Variants in JPH4 observed in about 807,000 individuals in gnomAD.
The protein encoded by JPH4 is junctophilin-4.
JPH4 carries 18 observed loss-of-function variants against 57.6 expected under a neutral mutation model. That is an observed-to-expected ratio of 0.31 (90% CI 0.22 to 0.46). The LOEUF (loss-of-function observed/expected upper bound fraction) is 0.46, where lower values mean the gene tolerates loss of function less well. JPH4 is among the 20% of genes least tolerant of loss of function. JPH4 has a pLI of 1.00. For missense variants in JPH4, 727 were observed against 911.1 expected, an observed-to-expected ratio of 0.80 and a Z score of 2.60; for synonymous variants, 425 against 406.6, an observed-to-expected ratio of 1.05 and a Z score of -0.54.
At position 23,576,558 on chromosome 14, in the gene JPH4, G is replaced by A; in HGVS notation, c.380-102C>T. Reference sequence around the variant, plus strand: ...CTGGAAGCCCAAGCGTCAGGCGGGAGAGATGGAGGCAGTTAGTGTGGAGGT... The same window carrying A: ...CTGGAAGCCCAAGCGTCAGGCGGGAAAGATGGAGGCAGTTAGTGTGGAGGT... On this transcript the variant is annotated intron_variant, in intron 2 of 5. Transcript: ENST00000356300. This position sits in a 1 kb window ranked among gnomAD's most constrained non-coding sequence, Gnocchi z 8.0. 1 of 1,011,378 alleles carries A rather than the reference G, an allele frequency of 9.9e-7. No individual in the cohort carries two copies. Among genetic ancestry groups the A allele is most frequent in the Non-Finnish European group, 1.3e-6 (1 of 769,250 alleles). 62.7% of individuals were successfully genotyped at this position (1,011,378 alleles called of 1,614,324 possible).
chr14:23,568,468 CA>C lies in JPH4; in HGVS notation c.*1165del. 1.0e-6 allele frequency: 1 copy of C among 985,798 alleles called. No individual in the cohort carries two copies. The highest frequency in any genetic ancestry group is 1.2e-6 in the Non-Finnish European group (1 of 829,978). The allele number at this position is 985,798 out of a possible 1,614,324, so 61.1% of individuals were successfully genotyped here. A position where few individuals can be genotyped will look rare whatever the true frequency, so the allele number is the denominator to read the frequency against. Reference sequence around the variant, plus strand: ...CCACCTGTCACCCGGGTTTGACTCCCACCTCTGCCCTGCCTGGGAAGCATGT... The same window carrying C: ...CCACCTGTCACCCGGGTTTGACTCCCCCTCTGCCCTGCCTGGGAAGCATGT... On this transcript the variant is annotated 3_prime_UTR_variant, in exon 6 of 6. Transcript: ENST00000356300.
rs1411766930 is a variant in JPH4 at position 23,575,579 on chromosome 14, G to A, written c.1151+106C>T. On this transcript the variant is annotated intron_variant, in intron 3 of 5. Coordinates refer to ENST00000356300, the MANE Select transcript of JPH4 (RefSeq NM_001146028.2). The surrounding 1 kb of genome is among the most constrained non-coding windows in gnomAD (Gnocchi z 6.9). ...CCTGGCCTTAGGCTTGCAATAGCAG[G>A]CCCTAGGCCTTGGGCCTTGGGCCTC... 3 of 1,432,652 alleles carry A rather than the reference G, an allele frequency of 2.1e-6. No individual in the cohort carries two copies. The highest frequency in any genetic ancestry group is 2.5e-5 in the South Asian group (2 of 81,128). The allele number at this position is 1,432,652 out of a possible 1,614,324, so 88.7% of individuals were successfully genotyped here.
chr14:23,576,252 A>G lies in JPH4; in HGVS notation c.584T>C (p.Phe195Ser). The change falls in exon 3 of 6, where the codon TTC becomes TCC. Residue 195 changes from phenylalanine (F) to serine (S), a missense_variant. By Grantham distance (155) the Phe-to-Ser change is radical. Transcript: ENST00000356300. The surrounding 1 kb of genome is among the most constrained non-coding windows in gnomAD (Gnocchi z 8.0). Reference protein sequence around the residue: ...GSPASGSRGGFVLAGPGDADG... With the variant: ...GSPASGSRGGSVLAGPGDADG... The stretch of plus-strand genomic sequence containing the variant: ...GGCGTCCCCGGGCCCGGCCAGCACG[A>G]AGCCGCCCCGGGAGCCCGAGGCGGG... 1 of 1,269,040 alleles carries G rather than the reference A, an allele frequency of 7.9e-7. No individual in the cohort carries two copies. The highest frequency in any genetic ancestry group is 9.9e-7 in the Non-Finnish European group (1 of 1,009,280). 78.6% of individuals were successfully genotyped at this position (1,269,040 alleles called of 1,614,324 possible). A position where few individuals can be genotyped will look rare whatever the true frequency, so the allele number is the denominator to read the frequency against.
At chr14:23,574,180 T>C (rs1889218257) in intron 3 of JPH4, among the ~76,000 whole-genome samples, 2 of 151,842 alleles carry the variant, frequency 1.3e-5, no homozygotes, top group Non-Finnish European at 2.9e-5. Context: ...TTTTAGATTT[T>C]TTTTTTTTTT....
Position 23,578,190 on chromosome 14 carries a change from G to A in JPH4, c.-182C>T, listed in dbSNP as rs2139477028. 6.6e-6 allele frequency: 1 copy of A among 152,518 alleles called. No individual in the cohort carries two copies. Among genetic ancestry groups the A allele is most frequent in the South Asian group, 2.1e-4 (1 of 4,814 alleles). 9.4% of individuals were successfully genotyped at this position (152,518 alleles called of 1,614,324 possible). On this transcript the variant is annotated 5_prime_UTR_variant, in exon 1 of 6. The change creates a premature stop within an existing upstream ORF in the 5' untranslated region. Coordinates refer to ENST00000356300, the MANE Select transcript of JPH4 (RefSeq NM_001146028.2). ...GGGCAGGCTACTCACCATGTGGGCT[G>A]GGGCTCAGGCTGCCTCCCCGGCACA...
In JPH4 at chr14:23,568,921, G is replaced by T; in HGVS notation, c.*713C>A. 1 of 452,014 alleles carries T rather than the reference G, an allele frequency of 2.2e-6. No homozygotes were observed. The highest frequency in any genetic ancestry group is 2.9e-6 in the Non-Finnish European group (1 of 342,256). The allele number at this position is 452,014 out of a possible 1,614,324, so 28.0% of individuals were successfully genotyped here. On this transcript the variant is annotated 3_prime_UTR_variant, in exon 6 of 6. Coordinates refer to ENST00000356300, the MANE Select transcript of JPH4 (RefSeq NM_001146028.2). Reference sequence around the variant, plus strand: ...TTGCTCTTGGCATGGCATGCCACCAGAGGGGGCTGGAGGAGGGGCTGGCCG... The same window carrying T: ...TTGCTCTTGGCATGGCATGCCACCATAGGGGGCTGGAGGAGGGGCTGGCCG...
chr14:23,572,970 C>T (rs1306458977), intron 3 of JPH4: 1 of 702,368 alleles, frequency 1.4e-6, no homozygotes, highest in East Asian at 2.7e-5. Context: ...ATCGTAGATG[C>T]CTTGTCATCC....
In JPH4 at chr14:23,578,487, G is replaced by T; in HGVS notation, c.-479C>A. 1 of 151,820 alleles carries T rather than the reference G, an allele frequency of 6.6e-6. No individual in the cohort carries two copies. The allele number at this position is 151,820 out of a possible 1,614,324, so 9.4% of individuals were successfully genotyped here. A position where few individuals can be genotyped will look rare whatever the true frequency, so the allele number is the denominator to read the frequency against. ...GCAAAGGGGGAGGGGGCTCTCAAGAGGGGGTGTTTTTATTATTTTTTTCTT... is the reference window on the plus strand; with the variant it reads ...GCAAAGGGGGAGGGGGCTCTCAAGATGGGGTGTTTTTATTATTTTTTTCTT... On this transcript the variant is annotated 5_prime_UTR_variant, in exon 1 of 6. Coordinates refer to ENST00000356300, the MANE Select transcript of JPH4 (RefSeq NM_001146028.2).
rs745861907 is a variant in JPH4, at chr14:23,569,588, G to T, written c.*46C>A. The T allele has an allele frequency of 5.2e-6, 7 of 1,340,590 alleles. No homozygotes were observed. Among genetic ancestry groups the T allele is most frequent in the Middle Eastern group, 1.8e-4 (1 of 5,492 alleles). The allele number at this position is 1,340,590 out of a possible 1,614,324, so 83.0% of individuals were successfully genotyped here. On this transcript the variant is annotated 3_prime_UTR_variant, in exon 6 of 6. Transcript: ENST00000356300. This position sits in a 1 kb window ranked among gnomAD's most constrained non-coding sequence, Gnocchi z 4.8. ...AAGAGAAAAAAGGCAGGTCAAAGGGGTGAAGAGGCACGCAACCAAAGCCAG... is the reference window on the plus strand; with the variant it reads ...AAGAGAAAAAAGGCAGGTCAAAGGGTTGAAGAGGCACGCAACCAAAGCCAG...
rs1889190037 is a variant in JPH4 at position 23,572,976 on chromosome 14, C to G, written c.1152-1056G>C. On this transcript the variant is annotated intron_variant, in intron 3 of 5. Coordinates refer to ENST00000356300, the MANE Select transcript of JPH4 (RefSeq NM_001146028.2). ...CTGCTGTTAATCGTAGATGCCTTGT[C>G]ATCCTTAAATGAGTTCTGTAATTCT... 3 of 702,328 alleles carry G rather than the reference C, an allele frequency of 4.3e-6. No individual in the cohort carries two copies. The East Asian group carries it at 8.0e-5, about 19-fold the overall frequency. The allele number at this position is 702,328 out of a possible 1,614,324, so 43.5% of individuals were successfully genotyped here.
At position 23,576,102 on chromosome 14, in the gene JPH4, C is replaced by T; in HGVS notation, c.734G>A (p.Arg245His). The change falls in exon 3 of 6, where the codon CGC (arginine) becomes CAC (histidine). Residue 245 changes from arginine to histidine, a missense_variant. Transcript: ENST00000356300. This position sits in a 1 kb window ranked among gnomAD's most constrained non-coding sequence, Gnocchi z 8.0. ...GCCCACCTCGCTGCTCACCTCGCTG[C>T]GCAGGGAGCCTCGCTTGCTGCCCAG... ...SSLGSKRGSLRSEVSSEVGST... is the reference protein window; with the variant it reads ...SSLGSKRGSLHSEVSSEVGST... The T allele has an allele frequency of 2.3e-6, 3 of 1,299,978 alleles. No homozygotes were observed. Among genetic ancestry groups the T allele is most frequent in the Non-Finnish European group, 2.9e-6 (3 of 1,027,124 alleles). The allele number at this position is 1,299,978 out of a possible 1,614,324, so 80.5% of individuals were successfully genotyped here. A position where few individuals can be genotyped will look rare whatever the true frequency, so the allele number is the denominator to read the frequency against.
chr14:23,575,770 C>T lies in JPH4; in HGVS notation c.1066G>A (p.Val356Ile). The T allele has an allele frequency of 3.8e-6, 6 of 1,586,174 alleles. No homozygotes were observed. The highest frequency in any genetic ancestry group is 5.1e-6 in the Non-Finnish European group (6 of 1,168,002). ...ACAGCCCTGTCCACCTTCTCCTTAA[C>T]CTTGCCCCGCCGAAGGGCCAGAGGC... ...LLPLALRRGK[V>I]KEKVDRAVEG... Residue 356 changes from valine (V) to isoleucine (I), a missense_variant, in exon 3 of 6, where the codon GTT becomes ATT. Physicochemically the swap from Val to Ile is conservative, Grantham distance 29 (BLOSUM62 3). Coordinates refer to ENST00000356300, the MANE Select transcript of JPH4 (RefSeq NM_001146028.2). This position sits in a 1 kb window ranked among gnomAD's most constrained non-coding sequence, Gnocchi z 6.9.
At position 23,571,251 on chromosome 14, in the gene JPH4, C is replaced by A; in HGVS notation, c.1480G>T (p.Ala494Ser). The change falls in exon 5 of 6, where the codon GCT becomes TCT. Residue 494 changes from alanine to serine, a missense_variant. Around this residue, in one of 7 missense-constraint regions of JPH4, gnomAD observed 293 missense variants for 279.8 expected, o/e 1.05. Coordinates refer to ENST00000356300, the MANE Select transcript of JPH4 (RefSeq NM_001146028.2). This position sits in a 1 kb window ranked among gnomAD's most constrained non-coding sequence, Gnocchi z 4.6. Reference protein sequence around the residue: ...GDQGPFSSPKAWPEEWGGAGA... With the variant: ...GDQGPFSSPKSWPEEWGGAGA... ...GCCCCCCCCCACTCCTCAGGCCAAG[C>A]TTTGGGGCTGGAGAAGGGACCCTGG... 1 of 1,608,664 alleles carries A rather than the reference C, an allele frequency of 6.2e-7. No homozygotes were observed. The highest frequency in any genetic ancestry group is 8.5e-7 in the Non-Finnish European group (1 of 1,177,144).
At position 23,571,165 on chromosome 14, in the gene JPH4, C is replaced by G; in HGVS notation, c.1566G>C (p.Gly522=). Residue 522 remains glycine (G), a synonymous_variant, in exon 5 of 6, where the codon GGG becomes GGC. Coordinates refer to ENST00000356300, the MANE Select transcript of JPH4 (RefSeq NM_001146028.2). This position sits in a 1 kb window ranked among gnomAD's most constrained non-coding sequence, Gnocchi z 4.6. ...GTGGGGAACCGTCTCTGGGCCCTGG[C>G]CCTTGCATCCCAGCCTCATCCTCAG... ...YEAEDEAGMQ[G]PGPRDGSPLL... is the part of the protein sequence containing the mutation. 11 of 1,614,120 alleles carry G rather than the reference C, an allele frequency of 6.8e-6. No homozygotes were observed. The highest frequency in any genetic ancestry group is 9.3e-6 in the Non-Finnish European group (11 of 1,180,006).
chr14:23,577,723 C>G lies in JPH4; in HGVS notation c.-171-99G>C, dbSNP rs971300110. Reference sequence around the variant, plus strand: ...GGCTCTGGGGCATCAGCGCCGCCCCCCAATCCACCCCCCTCCTTTGGCAGC... The same window carrying G: ...GGCTCTGGGGCATCAGCGCCGCCCCGCAATCCACCCCCCTCCTTTGGCAGC... On this transcript the variant is annotated intron_variant, in intron 1 of 5. Transcript: ENST00000356300. This position sits in a 1 kb window ranked among gnomAD's most constrained non-coding sequence, Gnocchi z 8.4. 2.8e-6 allele frequency: 1 copy of G among 362,040 alleles called. No individual in the cohort carries two copies. Among genetic ancestry groups the G allele is most frequent in the East Asian group, 4.2e-5 (1 of 24,094 alleles). The allele number at this position is 362,040 out of a possible 1,614,324, so 22.4% of individuals were successfully genotyped here.
intron 3 of JPH4, among the ~76,000 whole-genome samples, chr14:23,573,836 G>T (rs779751477): frequency 1.3e-5 from 2 of 151,912 alleles, no homozygotes; most frequent in African/African-American, 4.8e-5. Flanking sequence ...AAGTCCCTGG[G>T]CTCTAACATC....
Position 23,571,857 on chromosome 14 carries a change from T to C in JPH4, c.1215A>G (p.Ala405=). Residue 405 remains alanine, a synonymous_variant, in exon 4 of 6, where the codon GCA becomes GCG. Transcript: ENST00000356300. This position sits in a 1 kb window ranked among gnomAD's most constrained non-coding sequence, Gnocchi z 4.6. ...ASSVAEKAVE[A]ARMAKLIAQD... ...GGGCTATCAGTTTGGCCATTCGAGC[T>C]GCCTCCACGGCCTTCTCAGCGACAC... The C allele has an allele frequency of 1.2e-6, 2 of 1,613,154 alleles. No individual in the cohort carries two copies. Among genetic ancestry groups the C allele is most frequent in the Non-Finnish European group, 1.7e-6 (2 of 1,179,924 alleles).
Position 23,571,148 on chromosome 14 carries a change from C to A in JPH4, c.1583G>T (p.Gly528Val), listed in dbSNP as rs1889129230. 1.9e-6 allele frequency: 3 copies of A among 1,614,134 alleles called. No homozygotes were observed. Among genetic ancestry groups the A allele is most frequent in the Non-Finnish European group, 1.7e-6 (2 of 1,180,004 alleles). ...AGMQGPGPRD[G>V]SPLLGGCSDS... ...GCTGCAGCCTCCGAGGAGTGGGGAA[C>A]CGTCTCTGGGCCCTGGCCCTTGCAT... is the stretch of plus-strand genomic sequence containing the variant. The change falls in exon 5 of 6, where the codon GGT becomes GTT. Residue 528 changes from glycine to valine, a missense_variant. Around this residue, in one of 7 missense-constraint regions of JPH4, gnomAD observed 293 missense variants for 279.8 expected, o/e 1.05. Transcript: ENST00000356300. This position sits in a 1 kb window ranked among gnomAD's most constrained non-coding sequence, Gnocchi z 4.6.
Position 23,571,732 on chromosome 14 carries a change from T to C in JPH4, c.1270+70A>G. The C allele has an allele frequency of 7.2e-7, 1 of 1,398,294 alleles. No homozygotes were observed. The highest frequency in any genetic ancestry group is 1.0e-6 in the Non-Finnish European group (1 of 1,000,700). The allele number at this position is 1,398,294 out of a possible 1,614,324, so 86.6% of individuals were successfully genotyped here. On this transcript the variant is annotated intron_variant, in intron 4 of 5. Transcript: ENST00000356300. This position sits in a 1 kb window ranked among gnomAD's most constrained non-coding sequence, Gnocchi z 4.6. ...TTCCCTTGCAGGGCTTCTCATCTGT[T>C]TCCCCACACCTGAGCCTCTCTAGCT...
Sources: gnomAD v4.1 joint callset for allele counts (sites outside exome capture counted in the v4.1 genomes callset) on GRCh38, gnomAD v4.1.1 for gene constraint, gnomAD v4.1.1 regional missense constraint, Gnocchi (gnomAD v3.1) non-coding constraint, MANE v1.5 for transcripts, NCBI Gene and HGNC (gene_info 2026-07-23, HGNC 2026-07-21) for gene names.